The following SUGCT variants were observed in gnomAD, a reference collection of about 807,000 sequenced individuals.
SUGCT encodes the protein succinyl-CoA:glutarate CoA-transferase.
A neutral mutation model predicts 55.0 loss-of-function variants in SUGCT; 41 were observed. The ratio of observed to expected loss-of-function variants is 0.74; its 90% CI spans 0.58 to 0.97. The LOEUF (loss-of-function observed/expected upper bound fraction) is 0.97. Ranked by LOEUF, SUGCT falls within the 50% of genes least tolerant of loss-of-function variation. SUGCT has a pLI of 0.00. For missense variants in SUGCT, 568 were observed against 547.8 expected, an observed-to-expected ratio of 1.04 and a Z score of -0.37; for synonymous variants, 187 against 200.4, an observed-to-expected ratio of 0.93 and a Z score of 0.56.
At chr7:40,786,991 TC>T (rs1790046822) in intron 13 of SUGCT, among the ~76,000 whole-genome samples, 1 of 152,234 alleles carries the variant, frequency 6.6e-6, no homozygotes, top group South Asian at 2.1e-4. Flanking sequence ...ACTGTTTGAT[TC>T]ATTTTTTATT....
the SUGCT span, among the ~76,000 whole-genome samples, chr7:40,928,589 A>G: frequency 1.3e-5 from 2 of 149,716 alleles, no homozygotes; most frequent in African/African-American, 5.0e-5. Context: ...TTCTTTGAGG[A>G]CAGTAAAACT....
Position 40,452,061 on chromosome 7 carries a change from C to G in SUGCT, c.888+2703C>G, listed in dbSNP as rs913393912. ...AATTGACTTATGCCTAGTCTCTTCC[C>G]AAAATAGAATTGATATAGTGGTTGA... On this transcript the variant is annotated intron_variant, in intron 10 of 13. Coordinates refer to ENST00000335693, the MANE Select transcript of SUGCT (RefSeq NM_001193313.2). Among the ~76,000 whole-genome samples the G allele has an allele frequency of 2.0e-5, 3 of 152,120 alleles. No homozygotes were observed. The East Asian group carries it at 5.8e-4, about 29-fold the overall frequency.
At chr7:40,434,179 A>G (rs574331067) in intron 9 of SUGCT, among the ~76,000 whole-genome samples, 51 of 152,312 alleles carry the variant, frequency 3.3e-4, no homozygotes, top group Non-Finnish European at 6.8e-4. Context: ...TTTTGTTGCA[A>G]ACCTTACATA....
chr7:40,575,211 A>G (rs1178250943), intron 12 of SUGCT, among the ~76,000 whole-genome samples: 1 of 152,082 alleles, frequency 6.6e-6, no homozygotes, highest in Non-Finnish European at 1.5e-5. Context: ...CACTACCAAT[A>G]TGAAAGTTTA....
chr7:40,452,557 C>G (rs950689396), intron 10 of SUGCT, among the ~76,000 whole-genome samples: 2 of 152,090 alleles, frequency 1.3e-5, no homozygotes, highest in African/African-American at 4.8e-5. Flanking sequence ...TATAATATAT[C>G]CAAGGTATAA....
chr7:40,956,635 G>A, the SUGCT span, among the ~76,000 whole-genome samples: 1 of 151,614 alleles, frequency 6.6e-6, no homozygotes, highest in Admixed American at 6.6e-5. Context: ...GTTCTGCTCT[G>A]ATCTTAGTTA....
chr7:40,959,804 T>A, the SUGCT span, among the ~76,000 whole-genome samples: 2 of 151,956 alleles, frequency 1.3e-5, no homozygotes, highest in Admixed American at 1.3e-4. Flanking sequence ...ACTGGTGGTG[T>A]AGGCACCTGA....
chr7:40,485,887 G>A lies in SUGCT; in HGVS notation c.987-10397G>A, dbSNP rs182949130. Among the ~76,000 whole-genome samples, 105 of 152,186 alleles carry A rather than the reference G, an allele frequency of 6.9e-4. 1 individual carries two copies. Among genetic ancestry groups the A allele is most frequent in the Admixed American group, 1.7e-3 (26 of 15,280 alleles). ...CCATCTTTGTATCCCTGGGATAATC[G>A]TTTTAATATGCTGTTGAACTCCATT... On this transcript the variant is annotated intron_variant, in intron 11 of 13. Transcript: ENST00000335693.
chr7:40,979,125 A>G, the SUGCT span, among the ~76,000 whole-genome samples: 1 of 152,090 alleles, frequency 6.6e-6, no homozygotes, highest in African/African-American at 2.4e-5. Flanking sequence ...CCTCCACAAA[A>G]TACTGAGCCC....
chr7:40,543,485 A>G (rs1407176034), intron 12 of SUGCT, among the ~76,000 whole-genome samples: 3 of 152,188 alleles, frequency 2.0e-5, no homozygotes, highest in East Asian at 3.9e-4. Flanking sequence ...TCTGCCGTAC[A>G]TCTGTTTAAC....
intron 12 of SUGCT, among the ~76,000 whole-genome samples, chr7:40,597,947 T>A (rs1798099735): frequency 6.6e-6 from 1 of 152,052 alleles, no homozygotes; most frequent in Non-Finnish European, 1.5e-5. Flanking sequence ...CCTCTATTAG[T>A]TTCTCCGAAA....
chr7:40,168,865 A>T (rs557522197), intron 1 of SUGCT, among the ~76,000 whole-genome samples: 1 of 152,044 alleles, frequency 6.6e-6, no homozygotes, highest in Non-Finnish European at 1.5e-5. Flanking sequence ...GTCCTTCTAT[A>T]AGCATTTCTA....
chr7:41,007,601 C>T, the SUGCT span, among the ~76,000 whole-genome samples: 1 of 152,102 alleles, frequency 6.6e-6, no homozygotes, highest in African/African-American at 2.4e-5. Flanking sequence ...GATTCCCTTG[C>T]AAGTGATCAA....
chr7:40,293,596 C>T (rs1793930025), intron 8 of SUGCT, among the ~76,000 whole-genome samples: 1 of 152,326 alleles, frequency 6.6e-6, no homozygotes, highest in East Asian at 1.9e-4. Context: ...TTGAGATCCA[C>T]TCAGTCTGGG....
intron 12 of SUGCT, among the ~76,000 whole-genome samples, chr7:40,595,411 T>C (rs1306852987): frequency 6.6e-6 from 1 of 152,168 alleles, no homozygotes; most frequent in Non-Finnish European, 1.5e-5. Flanking sequence ...GAGAGTCGAA[T>C]AGAGTCAGTG....
chr7:40,645,195 T>C (rs1261669317), intron 12 of SUGCT, among the ~76,000 whole-genome samples: 2 of 152,158 alleles, frequency 1.3e-5, no homozygotes, highest in Non-Finnish European at 2.9e-5. Context: ...ACTCCACACC[T>C]TCCGTCCTTT....
chr7:40,467,540 A>C (rs1338491254), intron 11 of SUGCT, among the ~76,000 whole-genome samples: 2 of 152,274 alleles, frequency 1.3e-5, no homozygotes, highest in South Asian at 2.1e-4. Context: ...GGTCTTATTC[A>C]TTCTTTCTAT....
the SUGCT span, among the ~76,000 whole-genome samples, chr7:40,938,368 CTTAT>C: frequency 6.7e-6 from 1 of 150,078 alleles, no homozygotes; most frequent in Non-Finnish European, 1.5e-5. Context: ...TTTTAATTCC[CTTAT>C]TTGTTTTATT....
chr7:40,445,581 G>T (rs1485314924), intron 9 of SUGCT, among the ~76,000 whole-genome samples: 3 of 152,052 alleles, frequency 2.0e-5, no homozygotes, highest in African/African-American at 7.2e-5. Context: ...AAGAGGAACT[G>T]GTACCATTCC....
Sources: allele counts gnomAD v4.1 joint callset (sites outside exome capture counted in the v4.1 genomes callset), GRCh38; gene constraint gnomAD v4.1.1; transcripts MANE v1.5; gene names NCBI Gene and HGNC (gene_info 2026-07-23, HGNC 2026-07-21).